BANP: variants seen among roughly 807,000 people sequenced by gnomAD.
The protein encoded by BANP is protein BANP.
In BANP, 11 loss-of-function variants were observed where a neutral mutation model predicts 68.1. The ratio of observed to expected loss-of-function variants is 0.16; its 90% CI spans 0.10 to 0.27. The LOEUF (loss-of-function observed/expected upper bound fraction) is 0.27, where lower values mean the gene tolerates loss of function less well. Among genes scored for constraint, BANP ranks in the 10% least tolerant of loss-of-function variants. BANP has a pLI of 1.00. For synonymous variants in BANP, 329 were observed against 303.2 expected (o/e 1.09, Z -0.88); for missense variants, 504 against 722.7 (o/e 0.70, Z 3.47).
At chr16:88,024,082 G>A (rs1598555650) in intron 7 of BANP, among the ~76,000 whole-genome samples, 2 of 152,200 alleles carry the variant, frequency 1.3e-5, no homozygotes, top group South Asian at 2.1e-4. Flanking sequence ...CTTCTGCCTC[G>A]ATTGAAGTCC....
chr16:87,987,848 C>G (rs2064870873), intron 4 of BANP, among the ~76,000 whole-genome samples: 2 of 151,704 alleles, frequency 1.3e-5, no homozygotes, highest in African/African-American at 2.4e-5. Flanking sequence ...TCACTGCAAC[C>G]TCTGCCTCCT....
At chr16:88,065,449 G>A (rs912485182) in intron 12 of BANP, 117 bp downstream of exon 12, 14 of 620,090 alleles carry the variant, frequency 2.3e-5, no homozygotes, top group African/African-American at 5.5e-5. Context: ...ATCTCACCAC[G>A]TGAGGGTGAT....
At chr16:87,980,759 G>A (rs533421986) in intron 2 of BANP, 72 of 403,510 alleles carry the variant, frequency 1.8e-4, no homozygotes, top group African/African-American at 1.2e-3. Flanking sequence ...GGGCAGCCCC[G>A]CAGAGCATGG....
intron 13 of BANP, among the ~76,000 whole-genome samples, 193 bp from the exon 14 acceptor site, chr16:88,076,397 G>T (rs1567961261): frequency 6.6e-6 from 1 of 152,132 alleles, no homozygotes; most frequent in Admixed American, 6.5e-5. Context: ...CGCCAGGGTC[G>T]TGGGCGCGTC....
chr16:88,076,358 G>GGGCCTGGGTGTGCCGGAGCC (rs1390791797), intron 13 of BANP, among the ~76,000 whole-genome samples: 1 of 152,218 alleles, frequency 6.6e-6, no homozygotes, highest in Non-Finnish European at 1.5e-5. Context: ...GGGCGGGCCG[G>GGGCCTGGGTGTGCCGGAGCC]GGCCTGGGTG....
At chr16:88,019,588 C>G (rs1182100814) in intron 7 of BANP, among the ~76,000 whole-genome samples, 19 of 7,686 alleles carry the variant, frequency 2.5e-3, no homozygotes, top group African/African-American at 5.2e-3. Context: ...TCCGGGATCT[C>G]GGCGTGCGGG....
At chr16:87,985,972 G>C (rs138883191) in intron 4 of BANP, among the ~76,000 whole-genome samples, 1 of 152,346 alleles carries the variant, frequency 6.6e-6, no homozygotes, top group East Asian at 1.9e-4. Context: ...CAGAGAGTTA[G>C]AAGCATGTTT....
intron 1 of BANP, among the ~76,000 whole-genome samples, chr16:87,961,048 G>A (rs993069822): frequency 5.9e-5 from 9 of 152,294 alleles, no homozygotes; most frequent in Middle Eastern, 3.4e-3. Flanking sequence ...TGCCTAACTC[G>A]GTGAAGCAAC....
chr16:88,064,664 C>T lies in BANP; in HGVS notation c.1312-603C>T, dbSNP rs1409611074. On this transcript the variant is annotated intron_variant, in intron 11 of 13. Transcript: ENST00000682872. This position sits in a 1 kb window ranked among gnomAD's most constrained non-coding sequence, Gnocchi z 4.5. ...GGACATGCCTTCCTCCCTTAAAAAA[C>T]AACAACGCTTTTGCCAGACACAAGA... Among the ~76,000 whole-genome samples, 1 of 152,248 alleles carries T rather than the reference C, an allele frequency of 6.6e-6. No individual in the cohort carries two copies. The highest frequency in any genetic ancestry group is 1.5e-5 in the Non-Finnish European group (1 of 68,042).
chr16:88,052,506 C>G (rs112486206), intron 11 of BANP, among the ~76,000 whole-genome samples: 2 of 151,842 alleles, frequency 1.3e-5, no homozygotes, highest in African/African-American at 4.8e-5. Flanking sequence ...GAACTCAACT[C>G]TCATGATTCC....
intron 11 of BANP, among the ~76,000 whole-genome samples, chr16:88,038,489 TC>T (rs2079970623): frequency 7.5e-6 from 1 of 133,440 alleles, no homozygotes; most frequent in Non-Finnish European, 1.6e-5. Context: ...CCCACCCCCT[TC>T]AGATGGTTAT....
In BANP at chr16:88,004,498, G is replaced by A; in HGVS notation, c.479+87G>A. The A allele has an allele frequency of 1.3e-6, 1 of 741,452 alleles. No homozygotes were observed. Among genetic ancestry groups the A allele is most frequent in the Non-Finnish European group, 2.2e-6 (1 of 453,302 alleles). The allele number at this position is 741,452 out of a possible 1,614,324, so 45.9% of individuals were successfully genotyped here. ...GTCAACGTCCCTAAGCCAGGGCACA[G>A]TCCAGCACACGCTTCATCTCTGTGG... On this transcript the variant is annotated intron_variant, in intron 5 of 13. Transcript: ENST00000682872. The surrounding 1 kb of genome is among the most constrained non-coding windows in gnomAD (Gnocchi z 7.0).
At chr16:88,015,933 T>C (rs2074442290) in intron 6 of BANP, among the ~76,000 whole-genome samples, 1 of 152,356 alleles carries the variant, frequency 6.6e-6, no homozygotes, top group South Asian at 2.1e-4. Context: ...GGATGGCATC[T>C]GATGGTGTCA....
intron 8 of BANP, 118 bp downstream of exon 8, chr16:88,027,768 C>A (rs2152717484): frequency 1.6e-6 from 2 of 1,265,722 alleles, no homozygotes; most frequent in Middle Eastern, 2.7e-4. Flanking sequence ...GGAGCCGAGG[C>A]CAGAGGCTTG....
intron 6 of BANP, among the ~76,000 whole-genome samples, chr16:88,016,408 C>G (rs2074564904): frequency 6.6e-6 from 1 of 152,196 alleles, no homozygotes. Flanking sequence ...GGCTTCAGAT[C>G]TTGGAGACTG....
chr16:88,048,441 G>C (rs1052104765), intron 11 of BANP, among the ~76,000 whole-genome samples: 1 of 152,096 alleles, frequency 6.6e-6, no homozygotes, highest in African/African-American at 2.4e-5. Flanking sequence ...TATTGAATCG[G>C]CGCTCACCGC....
intron 11 of BANP, among the ~76,000 whole-genome samples, chr16:88,058,469 T>A (rs1211406444): frequency 6.6e-6 from 1 of 152,178 alleles, no homozygotes; most frequent in African/African-American, 2.4e-5. Context: ...GCTTCCTAAG[T>A]GACTCAAGCA....
At chr16:87,979,142 A>C (rs1392044365) in intron 2 of BANP, among the ~76,000 whole-genome samples, 3 of 152,096 alleles carry the variant, frequency 2.0e-5, no homozygotes, top group South Asian at 2.1e-4. Flanking sequence ...GGAATCATCT[A>C]GTGTGTACAG....
intron 1 of BANP, among the ~76,000 whole-genome samples, chr16:87,972,531 A>G (rs2061320433): frequency 6.6e-6 from 1 of 151,742 alleles, no homozygotes; most frequent in African/African-American, 2.4e-5. Context: ...GAAATACATG[A>G]TTTTTGCATG....
Sources: gnomAD v4.1 joint callset for allele counts (sites outside exome capture counted in the v4.1 genomes callset) on GRCh38, gnomAD v4.1.1 for gene constraint, Gnocchi (gnomAD v3.1) non-coding constraint, MANE v1.5 for transcripts, NCBI Gene and HGNC (gene_info 2026-07-23, HGNC 2026-07-21) for gene names.